The following EFNA2 variants were observed in gnomAD, a reference collection of about 807,000 sequenced individuals.
EFNA2 encodes the protein ephrin A2, also known as ephrin-A2.
EFNA2 carries 18 observed loss-of-function variants against 19.7 expected under a neutral mutation model. That is an observed-to-expected ratio of 0.91 (90% CI 0.63 to 1.35). The LOEUF is 1.35. Among genes scored for constraint, EFNA2 ranks in the 40% most tolerant of loss-of-function variants. The probability of loss-of-function intolerance (pLI) is 0.00; values close to 1 mark genes in which losing one functional copy is unlikely to be tolerated. For synonymous variants in EFNA2, 187 were observed against 137.8 expected, an observed-to-expected ratio of 1.36 and a Z score of -2.50; for missense variants, 303 against 296.0, an observed-to-expected ratio of 1.02 and a Z score of -0.17.
intron 1 of EFNA2, among the ~76,000 whole-genome samples, chr19:1,290,474 G>A (rs907537831): frequency 1.3e-5 from 2 of 152,188 alleles, no homozygotes; most frequent in African/African-American, 2.4e-5. Flanking sequence ...TGACGTCTCC[G>A]CAGGTCTGCA....
At chr19:1,284,905 C>G (rs2081456325), upstream of EFNA2, among the ~76,000 whole-genome samples, 1 of 152,214 alleles carries the variant, frequency 6.6e-6, no homozygotes, top group Admixed American at 6.5e-5. This position sits in a 1 kb window ranked among gnomAD's most constrained non-coding sequence, Gnocchi z 5.3. Flanking sequence ...AGCCTACCCT[C>G]CACAAGCTCA....
At position 1,299,914 on chromosome 19, in the gene EFNA2, TC is replaced by T; in HGVS notation, c.615del (p.Val206CysfsTer27). On this transcript the variant is annotated frameshift_variant, in exon 4 of 4. Coordinates refer to ENST00000215368, the MANE Select transcript of EFNA2 (RefSeq NM_001405.4). LOFTEE classifies it high-confidence loss of function. ...GGCTGCCGCCTCTTCCTCAGCACCA[TC>T]CCCGTGCTCTGGACCCTCCTGGGTT... The part of the protein sequence containing the change: ...PGGCRLFLST[I>X]PVLWTLLGS 1 of 1,604,536 alleles carries T rather than the reference TC, an allele frequency of 6.2e-7. No individual in the cohort carries two copies.
upstream of EFNA2, among the ~76,000 whole-genome samples, chr19:1,285,775 G>C (rs1291165541): frequency 6.7e-6 from 1 of 149,852 alleles, no homozygotes; most frequent in African/African-American, 2.4e-5. This position sits in a 1 kb window ranked among gnomAD's most constrained non-coding sequence, Gnocchi z 4.1. Context: ...GGCAGGGGGC[G>C]GGCGCAGGCT....
intron 1 of EFNA2, among the ~76,000 whole-genome samples, chr19:1,289,004 C>A (rs2081479130): frequency 6.6e-6 from 1 of 152,230 alleles, no homozygotes; most frequent in East Asian, 1.9e-4. Flanking sequence ...CCTGTCCTGG[C>A]CACAACACCG....
At position 1,301,276 on chromosome 19, in the gene EFNA2, G is replaced by A. The variant is rs1372780276; in HGVS notation, c.*1331G>A. On this transcript the variant is annotated 3_prime_UTR_variant, in exon 4 of 4. Transcript: ENST00000215368. ...GCCGCCGGCCGGCGGCTCGAGGCAC[G>A]CCCGGTGGTGGGGGGTGGGCAGAGG... Among the ~76,000 whole-genome samples, 2 of 147,622 alleles carry A rather than the reference G, an allele frequency of 1.4e-5. No homozygotes were observed. The highest frequency in any genetic ancestry group is 2.1e-4 in the South Asian group (1 of 4,666).
upstream of EFNA2, among the ~76,000 whole-genome samples, chr19:1,284,871 A>C (rs188638083): frequency 4.6e-5 from 7 of 152,354 alleles, no homozygotes; most frequent in East Asian, 1.4e-3. This position sits in a 1 kb window ranked among gnomAD's most constrained non-coding sequence, Gnocchi z 5.3. Flanking sequence ...CATCGCCAGC[A>C]AAGTCCAGCC....
rs1045116229 is a variant in EFNA2, at chr19:1,300,272, T to G, written c.*327T>G. ...TTTTTTTTTTTTTTTTTTTTTTTTT[T>G]TTTTAGTGTATTTTTCGTGGTTGGA... On this transcript the variant is annotated 3_prime_UTR_variant, in exon 4 of 4. Coordinates refer to ENST00000215368, the MANE Select transcript of EFNA2 (RefSeq NM_001405.4). 1.0e-5 allele frequency: 2 copies of G among 196,326 alleles called. No individual in the cohort carries two copies. The highest frequency in any genetic ancestry group is 5.1e-5 in the African/African-American group (2 of 39,156). The allele number at this position is 196,326 out of a possible 1,614,324, so 12.2% of individuals were successfully genotyped here.
At chr19:1,290,883 T>C (rs1288650875) in intron 1 of EFNA2, among the ~76,000 whole-genome samples, 1 of 152,202 alleles carries the variant, frequency 6.6e-6, no homozygotes, top group Non-Finnish European at 1.5e-5. Flanking sequence ...GCGTTTGAAC[T>C]CTGTGGCCGA....
intron 1 of EFNA2, among the ~76,000 whole-genome samples, chr19:1,291,621 C>T (rs11881533): frequency 0.026 from 4,022 of 152,334 alleles, 73 homozygotes; most frequent in South Asian, 0.056. Flanking sequence ...CAGACGGGTG[C>T]AGGCGTCCAC....
In EFNA2 at chr19:1,295,485, C is replaced by G. The variant is rs2081509659; in HGVS notation, c.141-60C>G. 3 of 1,455,162 alleles carry G rather than the reference C, an allele frequency of 2.1e-6. No homozygotes were observed. The East Asian group carries it at 7.8e-5, about 38-fold the overall frequency. 90.1% of individuals were successfully genotyped at this position (1,455,162 alleles called of 1,614,324 possible). On this transcript the variant is annotated intron_variant, in intron 1 of 3. Coordinates refer to ENST00000215368, the MANE Select transcript of EFNA2 (RefSeq NM_001405.4). This position sits in a 1 kb window ranked among gnomAD's most constrained non-coding sequence, Gnocchi z 5.8. The stretch of plus-strand genomic sequence containing the variant: ...CCTGACCCTGGCCCTCCCCGCGCAC[C>G]CCGACCCGTGCCCCGTTCCTCGCTC...
rs984186373 is a variant in EFNA2, at chr19:1,286,901, G to C, written c.140+593G>C. 1.3e-5 allele frequency among the ~76,000 whole-genome samples: 2 copies of C among 152,214 alleles called. No individual in the cohort carries two copies. The highest frequency in any genetic ancestry group is 4.8e-5 in the African/African-American group (2 of 41,452). On this transcript the variant is annotated intron_variant, in intron 1 of 3. Coordinates refer to ENST00000215368, the MANE Select transcript of EFNA2 (RefSeq NM_001405.4). The surrounding 1 kb of genome is among the most constrained non-coding windows in gnomAD (Gnocchi z 5.6). ...AGACTGAGGGGCCGGGGAGCTGGGG[G>C]TCAGCCCCGGGAGGGGCAGTGGGAT...
At chr19:1,291,916 C>G (rs2081493349) in intron 1 of EFNA2, among the ~76,000 whole-genome samples, 1 of 152,144 alleles carries the variant, frequency 6.6e-6, no homozygotes, top group Non-Finnish European at 1.5e-5. Context: ...TGGACTTTGG[C>G]ACCCGCAGGT....
In EFNA2 at chr19:1,300,065, C is replaced by T; in HGVS notation, c.*120C>T. On this transcript the variant is annotated 3_prime_UTR_variant, in exon 4 of 4. Transcript: ENST00000215368. The stretch of plus-strand genomic sequence containing the variant: ...GACCAAATAGAGACGCTGCTTCTCC[C>T]TCGCCTGGTGCCGCCCCCGCCGGGC... 1 of 1,358,244 alleles carries T rather than the reference C, an allele frequency of 7.4e-7. No homozygotes were observed. Among genetic ancestry groups the T allele is most frequent in the Non-Finnish European group, 9.7e-7 (1 of 1,033,270 alleles). 84.1% of individuals were successfully genotyped at this position (1,358,244 alleles called of 1,614,324 possible). A position where few individuals can be genotyped will look rare whatever the true frequency, so the allele number is the denominator to read the frequency against.
rs755601165 is a variant in EFNA2 at position 1,298,631 on chromosome 19, G to A, written c.520+15G>A. The A allele has an allele frequency of 5.6e-6, 9 of 1,613,260 alleles. No individual in the cohort carries two copies. Among genetic ancestry groups the A allele is most frequent in the Middle Eastern group, 3.3e-4 (2 of 6,060 alleles). The stretch of plus-strand genomic sequence containing the variant: ...GCGGCCGACCAGTAAGTGCTCAGGG[G>A]GATGGGCAGGATCCAGGCCCCCACC... On this transcript the variant is annotated intron_variant, in intron 3 of 3. Transcript: ENST00000215368.
rs1484428353 is a variant in EFNA2, at chr19:1,300,724, C to T, written c.*779C>T. Among the ~76,000 whole-genome samples, 1 of 152,140 alleles carries T rather than the reference C, an allele frequency of 6.6e-6. No homozygotes were observed. The highest frequency in any genetic ancestry group is 1.5e-5 in the Non-Finnish European group (1 of 68,016). ...CCTCCTGGTCATTTCCTCCCAGACA[C>T]TGTTTTGCCCCAGCGCCCTTCGGAA... is the stretch of plus-strand genomic sequence containing the variant. On this transcript the variant is annotated 3_prime_UTR_variant, in exon 4 of 4. Coordinates refer to ENST00000215368, the MANE Select transcript of EFNA2 (RefSeq NM_001405.4).
intron 2 of EFNA2, 81 bp from the exon 3 acceptor site, chr19:1,298,470 G>C (rs1158232160): frequency 6.9e-7 from 1 of 1,458,274 alleles, no homozygotes; most frequent in African/African-American, 1.4e-5. Context: ...GATTCACCAA[G>C]GTGGGGAAGG....
rs1485899585 is a variant in EFNA2, at chr19:1,294,518, C to T, written c.141-1027C>T. ...GGGAGACCAGGAGGCCGCCGGATTCCGGGGCTCGGGGCTCGGGAGGTTTCT... is the reference window on the plus strand; with the variant it reads ...GGGAGACCAGGAGGCCGCCGGATTCTGGGGCTCGGGGCTCGGGAGGTTTCT... On this transcript the variant is annotated intron_variant, in intron 1 of 3. Transcript: ENST00000215368. The surrounding 1 kb of genome is among the most constrained non-coding windows in gnomAD (Gnocchi z 5.8). Among the ~76,000 whole-genome samples the T allele has an allele frequency of 4.0e-5, 6 of 151,582 alleles. No individual in the cohort carries two copies. Among genetic ancestry groups the T allele is most frequent in the Admixed American group, 2.0e-4 (3 of 15,240 alleles).
rs1348210735 is a variant in EFNA2, at chr19:1,286,339, G to A, written c.140+31G>A. 2 of 985,234 alleles carry A rather than the reference G, an allele frequency of 2.0e-6. No homozygotes were observed. The highest frequency in any genetic ancestry group is 2.4e-6 in the Non-Finnish European group (2 of 830,910). The allele number at this position is 985,234 out of a possible 1,614,324, so 61.0% of individuals were successfully genotyped here. ...CGCGGCCGCGCGCGGGGGGCGCCCGGGGACCCCCCAACGCCCCCCAAGCCG... is the reference window on the plus strand; with the variant it reads ...CGCGGCCGCGCGCGGGGGGCGCCCGAGGACCCCCCAACGCCCCCCAAGCCG... On this transcript the variant is annotated intron_variant, in intron 1 of 3. Coordinates refer to ENST00000215368, the MANE Select transcript of EFNA2 (RefSeq NM_001405.4). The surrounding 1 kb of genome is among the most constrained non-coding windows in gnomAD (Gnocchi z 5.6).
Position 1,300,100 on chromosome 19 carries a change from C to T in EFNA2, c.*155C>T. ...GCCGCCCCCGCCGGGCAGGGGCCAT[C>T]CACCCGCCCCAGGACCAGCCCTCAG... On this transcript the variant is annotated 3_prime_UTR_variant, in exon 4 of 4. Coordinates refer to ENST00000215368, the MANE Select transcript of EFNA2 (RefSeq NM_001405.4). 1.8e-6 allele frequency: 2 copies of T among 1,101,204 alleles called. No individual in the cohort carries two copies. Among genetic ancestry groups the T allele is most frequent in the Non-Finnish European group, 2.5e-6 (2 of 806,830 alleles). The allele number at this position is 1,101,204 out of a possible 1,614,324, so 68.2% of individuals were successfully genotyped here. A position where few individuals can be genotyped will look rare whatever the true frequency, so the allele number is the denominator to read the frequency against.
Sources: allele counts gnomAD v4.1 joint callset (sites outside exome capture counted in the v4.1 genomes callset), GRCh38; gene constraint gnomAD v4.1.1; non-coding constraint Gnocchi (gnomAD v3.1); transcripts MANE v1.5; gene names NCBI Gene and HGNC (gene_info 2026-07-23, HGNC 2026-07-21).